The following DOCK3 variants were observed in gnomAD, a reference collection of about 807,000 sequenced individuals.
The protein encoded by DOCK3 is dedicator of cytokinesis 3, also known as dedicator of cytokinesis protein 3.
Under a neutral mutation model 265.6 loss-of-function variants are expected in DOCK3, and 60 were observed. The ratio of observed to expected loss-of-function variants is 0.23; its 90% CI spans 0.18 to 0.28. The LOEUF (loss-of-function observed/expected upper bound fraction) is 0.28, where lower values mean the gene tolerates loss of function less well. Among genes scored for constraint, DOCK3 ranks in the 10% least tolerant of loss-of-function variants. DOCK3 has a pLI of 1.00. For synonymous variants in DOCK3, 881 were observed against 938.0 expected, an observed-to-expected ratio of 0.94 and a Z score of 1.11; for missense variants, 1,981 against 2,594.3, an observed-to-expected ratio of 0.76 and a Z score of 5.14.
intron 13 of DOCK3, among the ~76,000 whole-genome samples, chr3:51,210,338 G>A (rs1312746399): frequency 6.6e-6 from 1 of 152,180 alleles, no homozygotes; most frequent in Admixed American, 6.5e-5. Flanking sequence ...TCACTGTGGG[G>A]CACCACAGAC....
rs182507378 is a variant in DOCK3, at chr3:51,168,257, G to A, written c.1037+7555G>A. Among the ~76,000 whole-genome samples, 241 of 152,230 alleles carry A rather than the reference G, an allele frequency of 1.6e-3. 1 individual carries two copies. The highest frequency in any genetic ancestry group is 4.1e-3 in the Admixed American group (62 of 15,286). On this transcript the variant is annotated intron_variant, in intron 12 of 52. Coordinates refer to ENST00000266037, the MANE Select transcript of DOCK3 (RefSeq NM_004947.5). The stretch of plus-strand genomic sequence containing the variant: ...AAAAAACTATTTTAAAACTCACATG[G>A]AACCAAAAAAGAGCCCGAATGGCTA...
At chr3:51,001,781 G>C (rs929122282) in intron 5 of DOCK3, among the ~76,000 whole-genome samples, 2 of 152,098 alleles carry the variant, frequency 1.3e-5, no homozygotes, top group African/African-American at 4.8e-5. Context: ...GAGAGTACCA[G>C]TTGTTCTTCA....
intron 1 of DOCK3, among the ~76,000 whole-genome samples, chr3:50,698,235 G>T (rs1439420398): frequency 6.6e-6 from 1 of 151,820 alleles, no homozygotes; most frequent in East Asian, 1.9e-4. Context: ...CTAAGGATTT[G>T]CCTATTCTAG....
chr3:51,264,704 G>A (rs2080059304), intron 23 of DOCK3, among the ~76,000 whole-genome samples: 1 of 152,042 alleles, frequency 6.6e-6, no homozygotes, highest in African/African-American at 2.4e-5. Flanking sequence ...GCGGTTACGT[G>A]TAGTCCCAGC....
At chr3:51,061,941 GAT>G (rs1361843132) in intron 5 of DOCK3, among the ~76,000 whole-genome samples, 2 of 152,088 alleles carry the variant, frequency 1.3e-5, no homozygotes, top group Admixed American at 1.3e-4. Flanking sequence ...AAACAAGAGT[GAT>G]ACTTTACTCT....
chr3:51,304,502 C>T (rs1047658553), intron 27 of DOCK3, among the ~76,000 whole-genome samples: 1 of 152,176 alleles, frequency 6.6e-6, no homozygotes, highest in African/African-American at 2.4e-5. Context: ...TGGCTGCCAA[C>T]CCTCACTTGG....
At chr3:51,328,766 G>C (rs901615419) in intron 32 of DOCK3, among the ~76,000 whole-genome samples, 1 of 152,066 alleles carries the variant, frequency 6.6e-6, no homozygotes, top group East Asian at 1.9e-4. Flanking sequence ...AGTGAGAAAG[G>C]CTTCTGTTTA....
intron 1 of DOCK3, among the ~76,000 whole-genome samples, chr3:50,688,242 AT>A (rs966082826): frequency 3.3e-5 from 5 of 152,134 alleles, no homozygotes; most frequent in Non-Finnish European, 5.9e-5. Flanking sequence ...GCCTTCAATA[AT>A]TGCTTCTGTT....
chr3:51,089,644 C>T (rs756475880), intron 8 of DOCK3, among the ~76,000 whole-genome samples: 5 of 152,048 alleles, frequency 3.3e-5, no homozygotes, highest in Admixed American at 6.5e-5. Context: ...CGTGGTGGCT[C>T]ATGCCTGTAA....
At chr3:51,362,734 C>T (rs1004787396) in intron 49 of DOCK3, 60 bp downstream of exon 49, 9 of 1,575,360 alleles carry the variant, frequency 5.7e-6, no homozygotes, top group South Asian at 1.2e-5. Context: ...CAACGCCACT[C>T]GGCTTCCTCT....
chr3:51,369,931 GC>G (rs2110476266), intron 49 of DOCK3, among the ~76,000 whole-genome samples: 1 of 152,296 alleles, frequency 6.6e-6, no homozygotes, highest in South Asian at 2.1e-4. Flanking sequence ...TCACTCTCAT[GC>G]CCATTCCACT....
intron 2 of DOCK3, among the ~76,000 whole-genome samples, chr3:50,831,152 G>A (rs4346542): frequency 0.76 from 114,578 of 151,374 alleles, 44,478 homozygotes; most frequent in Middle Eastern, 0.88. Flanking sequence ...CTTGGTTTTG[G>A]TGGGTTTTGG....
intron 9 of DOCK3, among the ~76,000 whole-genome samples, chr3:51,118,588 AAT>A (rs2083862713): frequency 6.6e-6 from 1 of 152,146 alleles, no homozygotes; most frequent in Non-Finnish European, 1.5e-5. Flanking sequence ...ATTGTGTGGG[AAT>A]CTAAGTCTCT....
intron 3 of DOCK3, among the ~76,000 whole-genome samples, chr3:50,849,438 A>G (rs2046255013): frequency 6.6e-6 from 1 of 151,892 alleles, no homozygotes; most frequent in Admixed American, 6.6e-5. Context: ...CAGCAAATAT[A>G]TATACATTTG....
chr3:50,866,236 C>T (rs1218592507), intron 3 of DOCK3, among the ~76,000 whole-genome samples: 1 of 152,072 alleles, frequency 6.6e-6, no homozygotes, highest in East Asian at 1.9e-4. Flanking sequence ...CCTGTAATCC[C>T]AGCACTTTGG....
At chr3:50,900,017 C>T (rs2107803039) in intron 4 of DOCK3, among the ~76,000 whole-genome samples, 1 of 152,152 alleles carries the variant, frequency 6.6e-6, no homozygotes, top group Non-Finnish European at 1.5e-5. Context: ...TGAATGTTGG[C>T]CTGTCTTGCT....
intron 1 of DOCK3, among the ~76,000 whole-genome samples, chr3:50,732,601 G>T (rs1435972492): frequency 6.6e-6 from 1 of 152,156 alleles, no homozygotes; most frequent in Non-Finnish European, 1.5e-5. Context: ...TGTAGAGACA[G>T]TGTCTTCCTG....
chr3:50,764,750 C>T (rs1475707530), intron 1 of DOCK3, among the ~76,000 whole-genome samples: 1 of 152,012 alleles, frequency 6.6e-6, no homozygotes, highest in African/African-American at 2.4e-5. Context: ...GAGTTTGAGA[C>T]CAGCCTGGGG....
chr3:51,121,143 T>C (rs1286438340), intron 9 of DOCK3, among the ~76,000 whole-genome samples: 2 of 152,166 alleles, frequency 1.3e-5, no homozygotes, highest in Non-Finnish European at 2.9e-5. Flanking sequence ...GGGAATCTTC[T>C]AGTCTGTGTG....
Sources: gnomAD v4.1 joint callset for allele counts (sites outside exome capture counted in the v4.1 genomes callset) on GRCh38, gnomAD v4.1.1 for gene constraint, MANE v1.5 for transcripts, NCBI Gene and HGNC (gene_info 2026-07-23, HGNC 2026-07-21) for gene names.